Variants in HPCAL1 observed in about 807,000 individuals in gnomAD.
HPCAL1 encodes the protein hippocalcin like 1.
In HPCAL1, 8 loss-of-function variants were observed where a neutral mutation model predicts 17.1. The ratio of observed to expected loss-of-function variants is 0.47; its 90% confidence interval spans 0.27 to 0.84. HPCAL1 has a LOEUF of 0.84. Ranked by LOEUF, HPCAL1 falls within the 40% of genes least tolerant of loss-of-function variation. The pLI, the probability that HPCAL1 is intolerant of heterozygous loss-of-function variation, is 0.13. For synonymous variants in HPCAL1, 112 were observed against 111.4 expected (o/e 1.01, Z -0.03); for missense variants, 165 against 271.1 (o/e 0.61, Z 2.75).
rs1294836643 is a variant in HPCAL1 at position 10,365,785 on chromosome 2, G to T, written c.-110-31050G>T. 6.6e-6 allele frequency among the ~76,000 whole-genome samples: 1 copy of T among 152,138 alleles called. No homozygotes were observed. The highest frequency in any genetic ancestry group is 6.5e-5 in the Admixed American group (1 of 15,280). Reference sequence around the variant, plus strand: ...GAAGAGGGTGTGTGAGGGGGTGCGGGTGGCCCTCCAGACTGGACCTAGGCC... The same window carrying T: ...GAAGAGGGTGTGTGAGGGGGTGCGGTTGGCCCTCCAGACTGGACCTAGGCC... On this transcript the variant is annotated intron_variant, in intron 1 of 4. Transcript: ENST00000307845. The surrounding 1 kb of genome is among the most constrained non-coding windows in gnomAD (Gnocchi z 4.8).
At position 10,359,323 on chromosome 2, in the gene HPCAL1, C is replaced by T. The variant is rs1666380040; in HGVS notation, c.-110-37512C>T. On this transcript the variant is annotated intron_variant, in intron 1 of 4. Coordinates refer to ENST00000307845, the MANE Select transcript of HPCAL1 (RefSeq NM_002149.4). This position sits in a 1 kb window ranked among gnomAD's most constrained non-coding sequence, Gnocchi z 4.1. ...GGGGCTCTCTGGACCCTGCGGCTGG[C>T]ATGGGTTAGTGGCTCCGTGTCACCT... Among the ~76,000 whole-genome samples the T allele has an allele frequency of 6.6e-6, 1 of 152,162 alleles. No individual in the cohort carries two copies. Among genetic ancestry groups the T allele is most frequent in the Non-Finnish European group, 1.5e-5 (1 of 68,012 alleles).
chr2:10,409,535 T>C (rs928574356), intron 2 of HPCAL1, among the ~76,000 whole-genome samples: 1 of 152,144 alleles, frequency 6.6e-6, no homozygotes, highest in Non-Finnish European at 1.5e-5. Context: ...CAATCAGCCC[T>C]AGGAGAGGGG....
At position 10,326,178 on chromosome 2, in the gene HPCAL1, G is replaced by A. The variant is rs148696377; in HGVS notation, c.-111+23001G>A. 7.0e-3 allele frequency among the ~76,000 whole-genome samples: 1,064 copies of A among 152,324 alleles called. 8 individuals are homozygous for A. The highest frequency in any genetic ancestry group is 0.037 in the Middle Eastern group (11 of 294). ...CATCCCAGACAGAATCAACCCAGAA[G>A]GAAGAGGGGTGGGTGGTAAACGTTC... On this transcript the variant is annotated intron_variant, in intron 1 of 4. Coordinates refer to ENST00000307845, the MANE Select transcript of HPCAL1 (RefSeq NM_002149.4).
chr2:10,373,618 A>T (rs185777258), intron 1 of HPCAL1, among the ~76,000 whole-genome samples: 3 of 152,138 alleles, frequency 2.0e-5, no homozygotes, highest in African/African-American at 7.2e-5. Flanking sequence ...TTCTAAGGCA[A>T]GGATGAAAGT....
chr2:10,349,538 C>T (rs942604279), intron 1 of HPCAL1, among the ~76,000 whole-genome samples: 1 of 151,220 alleles, frequency 6.6e-6, no homozygotes, highest in African/African-American at 2.4e-5. Context: ...CCTGTCTCTA[C>T]TAAATATACA....
intron 4 of HPCAL1, chr2:10,425,843 A>G (rs980490921): frequency 1.3e-5 from 2 of 152,396 alleles, no homozygotes; most frequent in Admixed American, 6.5e-5. Flanking sequence ...GGACGCAGCC[A>G]ACCTCAAACC....
chr2:10,416,701 C>CT (rs34538965), intron 2 of HPCAL1, among the ~76,000 whole-genome samples: 2,061 of 146,086 alleles, frequency 0.014, 35 homozygotes, highest in African/African-American at 0.047. Flanking sequence ...TTTACATTCC[C>CT]TTTTTTTTTT....
At position 10,304,037 on chromosome 2, in the gene HPCAL1, G is replaced by A. The variant is rs1488922213; in HGVS notation, c.-111+860G>A. ...GGGGCCTTACATTTTCCCCGGGCGT[G>A]TTTTGTGCCTCTCCCTGGCCCTAAC... On this transcript the variant is annotated intron_variant, in intron 1 of 4. Transcript: ENST00000307845. This position sits in a 1 kb window ranked among gnomAD's most constrained non-coding sequence, Gnocchi z 4.1. The A allele has an allele frequency of 6.6e-6, 1 of 152,248 alleles. No individual in the cohort carries two copies. Among genetic ancestry groups the A allele is most frequent in the Non-Finnish European group, 1.5e-5 (1 of 68,070 alleles). The allele number at this position is 152,248 out of a possible 1,614,324, so 9.4% of individuals were successfully genotyped here. A position where few individuals can be genotyped will look rare whatever the true frequency, so the allele number is the denominator to read the frequency against.
At chr2:10,407,578 T>C (rs1670051341) in intron 2 of HPCAL1, among the ~76,000 whole-genome samples, 1 of 152,164 alleles carries the variant, frequency 6.6e-6, no homozygotes, top group Non-Finnish European at 1.5e-5. Flanking sequence ...TAGTGCCAGG[T>C]GGCAGGAAAT....
chr2:10,315,953 C>T (rs1033827976), intron 1 of HPCAL1, among the ~76,000 whole-genome samples: 1 of 152,054 alleles, frequency 6.6e-6, no homozygotes, highest in Non-Finnish European at 1.5e-5. Flanking sequence ...GTTGCACTGA[C>T]CCGAGATCAG....
intron 4 of HPCAL1, chr2:10,425,623 G>A (rs1478945420): frequency 6.6e-6 from 1 of 152,308 alleles, no homozygotes; most frequent in Non-Finnish European, 1.5e-5. Flanking sequence ...TCCCACCTTC[G>A]AGACGAAGAT....
intron 1 of HPCAL1, among the ~76,000 whole-genome samples, chr2:10,366,730 C>T (rs1666878965): frequency 6.6e-6 from 1 of 152,182 alleles, no homozygotes; most frequent in Non-Finnish European, 1.5e-5. Context: ...TCCCCAGCCC[C>T]GGGCTTCCTG....
At chr2:10,397,866 G>A (rs1669159947) in intron 2 of HPCAL1, among the ~76,000 whole-genome samples, 1 of 152,226 alleles carries the variant, frequency 6.6e-6, no homozygotes, top group African/African-American at 2.4e-5. Flanking sequence ...ATGCGATGCT[G>A]GAGAGTGTGT....
chr2:10,409,545 G>T (rs1670196407), intron 2 of HPCAL1, among the ~76,000 whole-genome samples: 1 of 152,166 alleles, frequency 6.6e-6, no homozygotes, highest in Admixed American at 6.5e-5. Flanking sequence ...TAGGAGAGGG[G>T]CTTAGCTGCA....
chr2:10,402,194 C>A (rs1055923949), intron 2 of HPCAL1, among the ~76,000 whole-genome samples: 2 of 152,212 alleles, frequency 1.3e-5, no homozygotes, highest in African/African-American at 2.4e-5. Context: ...GTCACCGCAC[C>A]CGGCCAGGAA....
intron 1 of HPCAL1, among the ~76,000 whole-genome samples, chr2:10,353,721 G>A (rs4669577): frequency 0.44 from 67,167 of 151,922 alleles, 15,697 homozygotes; most frequent in East Asian, 0.8. Flanking sequence ...GGCGTGTGCC[G>A]CTATGCCCGG....
intron 2 of HPCAL1, among the ~76,000 whole-genome samples, chr2:10,412,947 CA>C (rs1670446865): frequency 6.6e-6 from 1 of 151,948 alleles, no homozygotes; most frequent in Admixed American, 6.6e-5. Flanking sequence ...GGGATTTTTT[CA>C]AAAGGAAGCG....
At chr2:10,399,229 CCACCACCACCAT>C (rs1669281422) in intron 2 of HPCAL1, among the ~76,000 whole-genome samples, 3 of 46,710 alleles carry the variant, frequency 6.4e-5, no homozygotes, top group African/African-American at 1.6e-4. Context: ...ACCACCACCA[CCACCACCACCAT>C]CACCACCACC....
intron 1 of HPCAL1, among the ~76,000 whole-genome samples, chr2:10,348,855 C>A (rs1665645790): frequency 6.6e-6 from 1 of 152,158 alleles, no homozygotes; most frequent in Admixed American, 6.5e-5. Context: ...TTCGTTGAAC[C>A]CATTTAGTCC....
Sources: allele counts gnomAD v4.1 joint callset (sites outside exome capture counted in the v4.1 genomes callset), GRCh38; gene constraint gnomAD v4.1.1; non-coding constraint Gnocchi (gnomAD v3.1); transcripts MANE v1.5; gene names NCBI Gene and HGNC (gene_info 2026-07-23, HGNC 2026-07-21).